The following SCAPER variants were observed in gnomAD, a reference collection of about 807,000 sequenced individuals.
SCAPER encodes S-phase cyclin A associated protein in the ER.
A neutral mutation model predicts 182.2 loss-of-function variants in SCAPER; 98 were observed. The observed-to-expected ratio is 0.54, with a 90% CI of 0.46 to 0.64. SCAPER has a LOEUF of 0.64. Among genes scored for constraint, SCAPER ranks in the 30% least tolerant of loss-of-function variants. The pLI is 0.00. For missense variants in SCAPER, 1,432 were observed against 1,690.0 expected, an observed-to-expected ratio of 0.85 and a Z score of 2.68; for synonymous variants, 605 against 564.6, an observed-to-expected ratio of 1.07 and a Z score of -1.01.
intron 24 of SCAPER, among the ~76,000 whole-genome samples, chr15:76,475,251 C>T (rs1201303080): frequency 6.6e-6 from 1 of 151,708 alleles, no homozygotes; most frequent in African/African-American, 2.4e-5. Context: ...ATTTTTTATC[C>T]CATTTTCCCA....
intron 17 of SCAPER, among the ~76,000 whole-genome samples, chr15:76,708,243 T>C (rs950725482): frequency 6.6e-6 from 1 of 152,214 alleles, no homozygotes; most frequent in African/African-American, 2.4e-5. Context: ...TTTTGGTATT[T>C]GTATTATTCT....
chr15:76,844,271 G>GA (rs34092470), intron 4 of SCAPER, among the ~76,000 whole-genome samples: 18,771 of 125,146 alleles, frequency 0.15, 1,540 homozygotes, highest in African/African-American at 0.24. Flanking sequence ...ACAGAAAGAG[G>GA]AAAAAAAAAA....
chr15:76,505,387 C>T (rs1278863616), intron 23 of SCAPER, among the ~76,000 whole-genome samples: 2 of 152,094 alleles, frequency 1.3e-5, no homozygotes, highest in Non-Finnish European at 2.9e-5. Flanking sequence ...AGAGCTCAAA[C>T]AACTCTGTAG....
chr15:76,537,320 C>T (rs904843841), intron 23 of SCAPER, among the ~76,000 whole-genome samples: 2 of 152,052 alleles, frequency 1.3e-5, no homozygotes, highest in African/African-American at 4.8e-5. Flanking sequence ...TCAAACTATA[C>T]TGCAAGGCTA....
chr15:76,765,257 C>G, intron 13 of SCAPER, 80 bp downstream of exon 13: 1 of 1,184,856 alleles, frequency 8.4e-7, no homozygotes, highest in Non-Finnish European at 1.2e-6. Flanking sequence ...AAAAATGCCA[C>G]GTAGCAATTT....
chr15:76,471,446 A>C, intron 24 of SCAPER, 111 bp from the exon 25 acceptor site: 3 of 1,249,974 alleles, frequency 2.4e-6, no homozygotes, highest in Non-Finnish European at 3.2e-6. Flanking sequence ...GATGGAAGTC[A>C]CTCTAAAAAC....
At chr15:76,817,774 T>C (rs2067204933) in intron 5 of SCAPER, among the ~76,000 whole-genome samples, 1 of 151,962 alleles carries the variant, frequency 6.6e-6, no homozygotes, top group Non-Finnish European at 1.5e-5. Context: ...TAACAAAATA[T>C]GTATAAGATC....
intron 10 of SCAPER, among the ~76,000 whole-genome samples, chr15:76,769,311 C>A (rs1047238496): frequency 6.6e-6 from 1 of 151,700 alleles, no homozygotes; most frequent in African/African-American, 2.4e-5. Flanking sequence ...GGCGTGGTGG[C>A]AAGCGCCTGT....
chr15:76,491,709 G>A (rs976900415), intron 24 of SCAPER, among the ~76,000 whole-genome samples: 2 of 152,132 alleles, frequency 1.3e-5, no homozygotes, highest in Non-Finnish European at 2.9e-5. Context: ...TAAGCTCACT[G>A]CAACCCCCGC....
At chr15:76,717,630 A>C (rs1024170871) in intron 17 of SCAPER, among the ~76,000 whole-genome samples, 2 of 152,178 alleles carry the variant, frequency 1.3e-5, no homozygotes, top group Non-Finnish European at 2.9e-5. Flanking sequence ...TAAGTGTAAC[A>C]GTATAAGATG....
chr15:76,571,648 A>C (rs2047442052), intron 23 of SCAPER, among the ~76,000 whole-genome samples: 1 of 152,134 alleles, frequency 6.6e-6, no homozygotes, highest in African/African-American at 2.4e-5. Flanking sequence ...TAAGCAAATA[A>C]AGACGTCAAG....
intron 25 of SCAPER, among the ~76,000 whole-genome samples, chr15:76,452,732 A>G (rs2048457551): frequency 6.6e-6 from 1 of 152,156 alleles, no homozygotes; most frequent in South Asian, 2.1e-4. Flanking sequence ...ATTCTTATCA[A>G]CTCATTCCAG....
chr15:76,857,384 G>T (rs2071482559), intron 4 of SCAPER, among the ~76,000 whole-genome samples: 1 of 148,588 alleles, frequency 6.7e-6, no homozygotes, highest in Admixed American at 6.8e-5. Flanking sequence ...AGTGAGCCAA[G>T]ATCACACCAC....
chr15:76,553,917 CAG>C (rs988476236), intron 23 of SCAPER, among the ~76,000 whole-genome samples: 9 of 152,188 alleles, frequency 5.9e-5, no homozygotes, highest in Admixed American at 1.3e-4. Context: ...CTCAAAAAGC[CAG>C]AGTGACTTCT....
chr15:76,732,092 T>C (rs2060954335), intron 16 of SCAPER, among the ~76,000 whole-genome samples: 1 of 152,162 alleles, frequency 6.6e-6, no homozygotes. Flanking sequence ...CACTATCTTT[T>C]AGAAAATAGA....
At chr15:76,697,102 C>G (rs948111098) in intron 20 of SCAPER, among the ~76,000 whole-genome samples, 3 of 151,850 alleles carry the variant, frequency 2.0e-5, no homozygotes, top group African/African-American at 7.3e-5. Flanking sequence ...TCTTACATGT[C>G]AAAGAAGAAA....
intron 23 of SCAPER, among the ~76,000 whole-genome samples, chr15:76,516,548 C>CT (rs984602417): frequency 6.6e-6 from 1 of 152,042 alleles, no homozygotes; most frequent in Non-Finnish European, 1.5e-5. Flanking sequence ...TGAACTCATC[C>CT]TTTTTTTATG....
At chr15:76,897,393 GA>G (rs879838753) in intron 1 of SCAPER, among the ~76,000 whole-genome samples, 44 of 144,386 alleles carry the variant, frequency 3.0e-4, no homozygotes, top group Admixed American at 5.5e-4. Flanking sequence ...CTCCAAAGAG[GA>G]AAAAAAAAAA....
intron 22 of SCAPER, among the ~76,000 whole-genome samples, chr15:76,590,006 A>G (rs1171568769): frequency 6.6e-6 from 1 of 152,146 alleles, no homozygotes; most frequent in African/African-American, 2.4e-5. Context: ...CACTTTCACA[A>G]TTTGGGCACT....
Sources: allele counts gnomAD v4.1 joint callset (sites outside exome capture counted in the v4.1 genomes callset), GRCh38; gene constraint gnomAD v4.1.1; transcripts MANE v1.5; gene names NCBI Gene and HGNC (gene_info 2026-07-23, HGNC 2026-07-21).